Variants in ATP2C2 observed in about 807,000 individuals in gnomAD.
ATP2C2 encodes ATPase secretory pathway Ca2+ transporting 2.
ATP2C2 carries 171 observed loss-of-function variants against 110.8 expected under a neutral mutation model. The observed-to-expected ratio is 1.54, with a 90% confidence interval of 1.36 to 1.75. The LOEUF is 1.75. Among genes scored for constraint, ATP2C2 ranks in the 40% most tolerant of loss-of-function variants. The probability of loss-of-function intolerance (pLI) is 0.00; values close to 1 mark genes in which losing one functional copy is unlikely to be tolerated. For missense variants in ATP2C2, 1,963 were observed against 1,235.0 expected (o/e 1.59, Z -8.84); for synonymous variants, 804 against 508.4 (o/e 1.58, Z -7.82).
At chr16:84,453,078 G>A (rs536811249) in intron 18 of ATP2C2, 60 bp from the exon 19 acceptor site, 46 of 1,519,224 alleles carry the variant, frequency 3.0e-5, no homozygotes, top group East Asian at 2.9e-4. Context: ...AGGTGGGGCC[G>A]GGAGTGAGGG....
At chr16:84,417,929 G>A (rs568736658) in intron 7 of ATP2C2, among the ~76,000 whole-genome samples, 1 of 152,320 alleles carries the variant, frequency 6.6e-6, no homozygotes, top group South Asian at 2.1e-4. Flanking sequence ...AACCATTTTG[G>A]TCTAGCAGGT....
chr16:84,417,668 G>T (rs1009289201), intron 7 of ATP2C2, among the ~76,000 whole-genome samples: 1 of 152,182 alleles, frequency 6.6e-6, no homozygotes, highest in Non-Finnish European at 1.5e-5. Flanking sequence ...AAGGCGAGTG[G>T]ATTGCTTGAG....
chr16:84,460,132 C>G (rs190328179), intron 23 of ATP2C2: 1 of 201,458 alleles, frequency 5.0e-6, no homozygotes, highest in South Asian at 9.3e-5. Context: ...GGTTACCTCT[C>G]CTGCCAGCCC....
rs1242795212 is a variant in ATP2C2 at position 84,405,260 on chromosome 16, T to C, written c.327+16T>C. 6.3e-7 allele frequency: 1 copy of C among 1,598,478 alleles called. No individual in the cohort carries two copies. Among genetic ancestry groups the C allele is most frequent in the Admixed American group, 1.7e-5 (1 of 58,944 alleles). ...CCTGGATCAGGTAGGACCAGAGGTGTCATTCTTTGCATTAACATGCATAAG... is the reference window on the plus strand; with the variant it reads ...CCTGGATCAGGTAGGACCAGAGGTGCCATTCTTTGCATTAACATGCATAAG... On this transcript the variant is annotated intron_variant, in intron 3 of 26. Coordinates refer to ENST00000262429, the MANE Select transcript of ATP2C2 (RefSeq NM_014861.4).
At chr16:84,448,464 GT>G in intron 16 of ATP2C2, 68 bp from the exon 17 acceptor site, 1 of 1,517,180 alleles carries the variant, frequency 6.6e-7, no homozygotes, top group East Asian at 2.3e-5. Flanking sequence ...CTTGTGCAGA[GT>G]GGGGTGATGG....
chr16:84,440,874 T>C lies in ATP2C2; in HGVS notation c.1227T>C (p.Tyr409=). The C allele has an allele frequency of 6.2e-7, 1 of 1,613,464 alleles. No individual in the cohort carries two copies. The highest frequency in any genetic ancestry group is 1.1e-5 in the South Asian group (1 of 90,614). ...CCCTGCAGGTCAGCGGAGTTGGGTA[T>C]GACGGTCAAGGGACTGTGTGTCTTC... The part of the protein sequence containing the change: ...GLRAEVSGVG[Y]DGQGTVCLLP... Residue 409 remains tyrosine, a synonymous_variant, in exon 14 of 27, where the codon TAT becomes TAC. Transcript: ENST00000262429.
chr16:84,423,167 C>T (rs754068095), intron 9 of ATP2C2, 21 bp from the exon 10 acceptor site: 30 of 1,608,416 alleles, frequency 1.9e-5, no homozygotes, highest in Non-Finnish European at 2.5e-5. Context: ...TCCAACTAAC[C>T]CATTGTGCTC....
In ATP2C2 at chr16:84,452,013, G is replaced by T. The variant is rs1339313908; in HGVS notation, c.1753G>T (p.Ala585Ser). 6 of 1,613,900 alleles carry T rather than the reference G, an allele frequency of 3.7e-6. No homozygotes were observed. Among genetic ancestry groups the T allele is most frequent in the Non-Finnish European group, 5.1e-6 (6 of 1,179,992 alleles). The change falls in exon 18 of 27, where the codon GCA (alanine) becomes TCA (serine). Residue 585 changes from alanine (A) to serine (S), a missense_variant. Coordinates refer to ENST00000262429, the MANE Select transcript of ATP2C2 (RefSeq NM_014861.4). The stretch of plus-strand genomic sequence containing the variant: ...CCCCCCGAGAGTTGGCGTGAAGGAA[G>T]CAGTCCAGGTTCTCTCCGAGTCTGG... The part of the protein sequence containing the change: ...IDPPRVGVKE[A>S]VQVLSESGVS...
chr16:84,397,237 AAC>A (rs1486553130), intron 1 of ATP2C2, among the ~76,000 whole-genome samples: 1 of 151,646 alleles, frequency 6.6e-6, no homozygotes, highest in African/African-American at 2.4e-5. Flanking sequence ...CGCAGGTCTC[AAC>A]ACAGAGTGCT....
intron 11 of ATP2C2, among the ~76,000 whole-genome samples, chr16:84,430,834 C>G (rs1221721450): frequency 1.3e-5 from 2 of 151,988 alleles, no homozygotes; most frequent in African/African-American, 2.4e-5. Flanking sequence ...CTTATGGGAT[C>G]AGGGCATGGA....
At chr16:84,423,080 T>C (rs1212045216) in intron 9 of ATP2C2, 108 bp from the exon 10 acceptor site, 4 of 883,740 alleles carry the variant, frequency 4.5e-6, no homozygotes, top group Non-Finnish European at 7.5e-6. Context: ...TGTGTACCCC[T>C]GTGTAATCAT....
chr16:84,370,081 A>C (rs370977629), intron 1 of ATP2C2, among the ~76,000 whole-genome samples: 3 of 152,146 alleles, frequency 2.0e-5, no homozygotes, highest in African/African-American at 7.2e-5. Flanking sequence ...GGTATTTTTC[A>C]AACTCTCCTG....
intron 11 of ATP2C2, among the ~76,000 whole-genome samples, chr16:84,437,822 ATT>A (rs1460568990): frequency 1.3e-5 from 2 of 152,136 alleles, no homozygotes; most frequent in African/African-American, 2.4e-5. Flanking sequence ...TGCCTAGAAC[ATT>A]TTCTTATCGC....
chr16:84,417,266 AGT>A (rs1443996520), intron 7 of ATP2C2, among the ~76,000 whole-genome samples: 5 of 152,088 alleles, frequency 3.3e-5, no homozygotes, highest in Admixed American at 3.3e-4. Context: ...GCCGTACTGC[AGT>A]GTGTGTTGGA....
At chr16:84,434,907 G>T (rs1252714702) in intron 11 of ATP2C2, among the ~76,000 whole-genome samples, 3 of 152,174 alleles carry the variant, frequency 2.0e-5, no homozygotes, top group Admixed American at 6.5e-5. Flanking sequence ...TGCCATATGG[G>T]ATGAAAGTCC....
intron 7 of ATP2C2, among the ~76,000 whole-genome samples, chr16:84,420,345 A>C (rs867725768): frequency 3.9e-5 from 6 of 152,072 alleles, no homozygotes; most frequent in Non-Finnish European, 7.4e-5. Context: ...GTTTCCCATC[A>C]GTCCAAACCC....
chr16:84,439,273 C>A lies in ATP2C2; in HGVS notation c.1094C>A (p.Pro365His), dbSNP rs781625415. 3 of 1,612,622 alleles carry A rather than the reference C, an allele frequency of 1.9e-6. No individual in the cohort carries two copies. The highest frequency in any genetic ancestry group is 2.2e-5 in the East Asian group (1 of 44,894). ...AKKRVIVKKL[P>H]IVETLGCCSV... ...AAGCGGGTCATCGTGAAGAAGTTAC[C>A]CATCGTGGAGACTTTAGGTGAGGGA... Residue 365 changes from proline (P) to histidine (H), a missense_variant, in exon 12 of 27, where the codon CCC becomes CAC. Transcript: ENST00000262429.
At chr16:84,412,085 C>T (rs1017519358) in intron 6 of ATP2C2, among the ~76,000 whole-genome samples, 3 of 152,032 alleles carry the variant, frequency 2.0e-5, no homozygotes, top group Admixed American at 6.6e-5. Context: ...TCTCGGCTCA[C>T]TGCAACCTGT....
At chr16:84,453,495 T>G in intron 20 of ATP2C2, 124 bp downstream of exon 20, 1 of 1,320,668 alleles carries the variant, frequency 7.6e-7, no homozygotes, top group Non-Finnish European at 1.1e-6. Context: ...CTTCTCTAGG[T>G]CCAGGGCAGC....
Sources: gnomAD v4.1 joint callset for allele counts (sites outside exome capture counted in the v4.1 genomes callset) on GRCh38, gnomAD v4.1.1 for gene constraint, MANE v1.5 for transcripts, NCBI Gene and HGNC (gene_info 2026-07-23, HGNC 2026-07-21) for gene names.